Variants in CNTLN observed in about 807,000 individuals in gnomAD.
CNTLN encodes the protein centlein, centrosomal protein.
CNTLN carries 212 observed loss-of-function variants against 180.0 expected under a neutral mutation model. That is an observed-to-expected ratio of 1.18 (90% CI 1.05 to 1.32). CNTLN has a LOEUF of 1.32. CNTLN is among the 40% of genes most tolerant of loss of function. The pLI is 0.00. For synonymous variants in CNTLN, 722 were observed against 563.1 expected (o/e 1.28, Z -3.99); for missense variants, 2,095 against 1,610.9 (o/e 1.30, Z -5.14).
chr9:17,302,573 T>C (rs1818446973), intron 7 of CNTLN, among the ~76,000 whole-genome samples: 1 of 152,054 alleles, frequency 6.6e-6, no homozygotes, highest in Non-Finnish European at 1.5e-5. Flanking sequence ...ACGGGGGTCA[T>C]GGATTCTAAG....
At chr9:17,234,949 T>TG (rs1393527904) in intron 3 of CNTLN, among the ~76,000 whole-genome samples, 1 of 152,076 alleles carries the variant, frequency 6.6e-6, no homozygotes, top group East Asian at 1.9e-4. Context: ...AATATGAGAT[T>TG]GGTGATTGGG....
chr9:17,307,188 A>G (rs925746040), intron 7 of CNTLN, among the ~76,000 whole-genome samples: 40 of 152,244 alleles, frequency 2.6e-4, no homozygotes, highest in African/African-American at 9.4e-4. Flanking sequence ...TATAGGCAAT[A>G]CTTTCTTTTA....
chr9:17,144,712 C>A (rs1818327520), intron 2 of CNTLN, among the ~76,000 whole-genome samples: 1 of 151,462 alleles, frequency 6.6e-6, no homozygotes, highest in South Asian at 2.1e-4. Context: ...GTTCAAAAGT[C>A]TTTTGTTGAT....
At position 17,258,817 on chromosome 9, in the gene CNTLN, TTGATTTTGTATCC is replaced by T. The variant is rs1312253893; in HGVS notation, c.850-14912_850-14900del. Among the ~76,000 whole-genome samples, 37 of 145,396 alleles carry T rather than the reference TTGATTTTGTATCC, an allele frequency of 2.5e-4. 1 individual carries two copies. The highest frequency in any genetic ancestry group is 8.8e-4 in the African/African-American group (33 of 37,482). On this transcript the variant is annotated intron_variant, in intron 5 of 25. Coordinates refer to ENST00000380647, the MANE Select transcript of CNTLN (RefSeq NM_017738.4). ...TAAGAATGCTTGTGATTTTTGTACATTGATTTTGTATCCTGAGACTTTGCTGAAGTTGCTTATC... is the reference window on the plus strand; with the variant it reads ...TAAGAATGCTTGTGATTTTTGTACATTGAGACTTTGCTGAAGTTGCTTATC...
intron 7 of CNTLN, chr9:17,299,760 G>A (rs563850900): frequency 1.0e-6 from 1 of 977,586 alleles, no homozygotes; most frequent in South Asian, 4.7e-5. Context: ...CTTGTTAATT[G>A]TTATTAATAC....
chr9:17,473,273 C>T (rs1001734323), intron 23 of CNTLN, among the ~76,000 whole-genome samples: 8 of 152,204 alleles, frequency 5.3e-5, no homozygotes, highest in African/African-American at 1.9e-4. Context: ...AAACCTCCAG[C>T]ATCCTCTGCT....
chr9:17,483,552 A>G (rs904006737), intron 23 of CNTLN, among the ~76,000 whole-genome samples: 4 of 152,238 alleles, frequency 2.6e-5, no homozygotes, highest in Non-Finnish European at 5.9e-5. Context: ...CAGCCCAAAC[A>G]TCTAACTAAC....
At chr9:17,271,371 G>T (rs1827935365) in intron 5 of CNTLN, among the ~76,000 whole-genome samples, 1 of 152,058 alleles carries the variant, frequency 6.6e-6, no homozygotes, top group Non-Finnish European at 1.5e-5. Context: ...CTAGCTTTAG[G>T]ACCACCTGTA....
chr9:17,390,539 C>T (rs190094860), intron 14 of CNTLN, among the ~76,000 whole-genome samples: 4 of 152,150 alleles, frequency 2.6e-5, no homozygotes, highest in Admixed American at 6.5e-5. Context: ...CCACTGCACC[C>T]GGCCTGAAAA....
chr9:17,390,229 G>T (rs1022658905), intron 14 of CNTLN, among the ~76,000 whole-genome samples: 2 of 128,252 alleles, frequency 1.6e-5, no homozygotes, highest in South Asian at 2.5e-4. Flanking sequence ...GTTTTGAAAA[G>T]AGCCTCTTTT....
intron 5 of CNTLN, among the ~76,000 whole-genome samples, chr9:17,267,071 G>T (rs7018523): frequency 0.2 from 29,819 of 151,842 alleles, 3,571 homozygotes; most frequent in African/African-American, 0.33. Flanking sequence ...GTGAATTTGG[G>T]CCTGTCATTA....
intron 5 of CNTLN, among the ~76,000 whole-genome samples, chr9:17,252,360 T>G (rs912673677): frequency 6.6e-6 from 1 of 151,828 alleles, no homozygotes; most frequent in Non-Finnish European, 1.5e-5. Context: ...TCACCAACAG[T>G]GTATAAGAGT....
chr9:17,345,496 A>AT (rs1821806868), intron 12 of CNTLN, among the ~76,000 whole-genome samples: 1 of 134,406 alleles, frequency 7.4e-6, no homozygotes, highest in Admixed American at 7.2e-5. Flanking sequence ...ATTTCATTTT[A>AT]TTTTTTCTGT....
At chr9:17,224,423 C>G (rs150525750) in intron 2 of CNTLN, among the ~76,000 whole-genome samples, 7 of 151,948 alleles carry the variant, frequency 4.6e-5, no homozygotes, top group African/African-American at 1.4e-4. Flanking sequence ...TAAAATATTC[C>G]CAGCAGTTAC....
At chr9:17,272,466 T>A (rs532725380) in intron 5 of CNTLN, among the ~76,000 whole-genome samples, 1 of 152,280 alleles carries the variant, frequency 6.6e-6, no homozygotes, top group South Asian at 2.1e-4. Flanking sequence ...TGTTTTACCA[T>A]CCTCTATTTC....
At chr9:17,309,861 G>T (rs1819004268) in intron 8 of CNTLN, among the ~76,000 whole-genome samples, 1 of 151,952 alleles carries the variant, frequency 6.6e-6, no homozygotes, top group Admixed American at 6.6e-5. Context: ...AAAAATCTCT[G>T]TGAATTTATT....
rs534240686 is a variant in CNTLN, at chr9:17,500,668, A to C, written c.4120-1883A>C. On this transcript the variant is annotated intron_variant, in intron 25 of 25. Transcript: ENST00000380647. ...AGGTAGAAGTTTGGTTTGTTTCCCA[A>C]ATGTATTTGATTAGAGAACAATTTT... Among the ~76,000 whole-genome samples, 34 of 152,270 alleles carry C rather than the reference A, an allele frequency of 2.2e-4. 1 individual carries two copies. The South Asian group carries it at 6.8e-3, about 31-fold the overall frequency.
At chr9:17,156,837 T>G (rs1819327443) in intron 2 of CNTLN, among the ~76,000 whole-genome samples, 1 of 152,216 alleles carries the variant, frequency 6.6e-6, no homozygotes. Context: ...ATAATTGAAA[T>G]AATAAAATAG....
chr9:17,190,952 C>G (rs1226045588), intron 2 of CNTLN, among the ~76,000 whole-genome samples: 1 of 152,134 alleles, frequency 6.6e-6, no homozygotes, highest in African/African-American at 2.4e-5. Flanking sequence ...TTTTCTTTAA[C>G]TCAGGGATTC....
Sources: gnomAD v4.1 joint callset for allele counts (sites outside exome capture counted in the v4.1 genomes callset) on GRCh38, gnomAD v4.1.1 for gene constraint, MANE v1.5 for transcripts, NCBI Gene and HGNC (gene_info 2026-07-23, HGNC 2026-07-21) for gene names.